The following NEDD4L variants were observed in gnomAD, a reference collection of about 807,000 sequenced individuals.
NEDD4L encodes E3 ubiquitin-protein ligase NEDD4-like.
NEDD4L carries 54 observed loss-of-function variants against 148.9 expected under a neutral mutation model. The observed-to-expected ratio is 0.36, with a 90% CI of 0.29 to 0.45. The LOEUF is 0.45. NEDD4L is among the 20% of genes least tolerant of loss of function. The pLI is 1.00. For synonymous variants in NEDD4L, 433 were observed against 440.7 expected (o/e 0.98, Z 0.22); for missense variants, 856 against 1,233.8 (o/e 0.69, Z 4.59).
At chr18:58,199,532 G>A (rs1311363518) in intron 2 of NEDD4L, among the ~76,000 whole-genome samples, 2 of 152,170 alleles carry the variant, frequency 1.3e-5, no homozygotes, top group Non-Finnish European at 2.9e-5. Flanking sequence ...TGTAATCCCG[G>A]CACTTTAGGA....
chr18:58,314,568 C>G (rs1478781333), intron 5 of NEDD4L: 1 of 152,266 alleles, frequency 6.6e-6, no homozygotes, highest in Non-Finnish European at 1.5e-5. Context: ...TTCTCAAGGC[C>G]TTCTGCTGAC....
At chr18:58,134,166 A>AT (rs2032530770) in intron 1 of NEDD4L, among the ~76,000 whole-genome samples, 1 of 151,658 alleles carries the variant, frequency 6.6e-6, no homozygotes, top group South Asian at 2.1e-4. Context: ...ATGCCCAGCT[A>AT]TTTTTTGTAT....
intron 2 of NEDD4L, among the ~76,000 whole-genome samples, chr18:58,183,832 C>T (rs558219636): frequency 2.6e-5 from 4 of 152,372 alleles, no homozygotes; most frequent in African/African-American, 7.2e-5. Flanking sequence ...CTTCTACCCT[C>T]TTTCCTATTT....
At chr18:58,206,845 A>G (rs1403086343) in intron 2 of NEDD4L, among the ~76,000 whole-genome samples, 1 of 152,246 alleles carries the variant, frequency 6.6e-6, no homozygotes, top group African/African-American at 2.4e-5. Context: ...ACATACAGGT[A>G]GGAATCAATT....
chr18:58,303,173 A>T (rs2056699300), intron 5 of NEDD4L, among the ~76,000 whole-genome samples: 1 of 152,198 alleles, frequency 6.6e-6, no homozygotes. Context: ...GTACACAGTG[A>T]TTCTTGGAAA....
intron 2 of NEDD4L, among the ~76,000 whole-genome samples, chr18:58,190,938 C>T (rs542652688): frequency 4.6e-5 from 7 of 152,204 alleles, no homozygotes; most frequent in Admixed American, 3.3e-4. Flanking sequence ...TAGTGAGACC[C>T]CATACCTACA....
intron 1 of NEDD4L, among the ~76,000 whole-genome samples, chr18:58,073,243 G>C (rs2082983150): frequency 2.0e-5 from 3 of 151,552 alleles, no homozygotes; most frequent in Non-Finnish European, 4.4e-5. Context: ...AAATTAACAA[G>C]TTTATTTTAA....
At chr18:58,244,688 T>C (rs1600170193) in intron 2 of NEDD4L, among the ~76,000 whole-genome samples, 1 of 152,168 alleles carries the variant, frequency 6.6e-6, no homozygotes, top group African/African-American at 2.4e-5. Context: ...TTTTTGTTTT[T>C]GTCTTTTTTT....
At chr18:58,262,025 C>T (rs952650428) in intron 5 of NEDD4L, among the ~76,000 whole-genome samples, 2 of 152,054 alleles carry the variant, frequency 1.3e-5, no homozygotes, top group Non-Finnish European at 2.9e-5. Context: ...GGTGATTATT[C>T]GGACAGGTTA....
At chr18:58,230,042 A>G (rs536530851) in intron 2 of NEDD4L, among the ~76,000 whole-genome samples, 1 of 152,314 alleles carries the variant, frequency 6.6e-6, no homozygotes, top group South Asian at 2.1e-4. Flanking sequence ...TTGGAAAAAT[A>G]TCAACAGCAG....
chr18:58,255,737 A>C, intron 5 of NEDD4L: 4 of 1,232,354 alleles, frequency 3.2e-6, no homozygotes, highest in Non-Finnish European at 4.0e-6. Context: ...CGACTTCTTC[A>C]TGGCATTCCA....
At chr18:58,199,240 A>G (rs1422291121) in intron 2 of NEDD4L, among the ~76,000 whole-genome samples, 2 of 152,232 alleles carry the variant, frequency 1.3e-5, no homozygotes. Context: ...AAATTTTGAT[A>G]TATTTATCCA....
At chr18:58,341,639 TCCTCC>T in intron 14 of NEDD4L, 34 bp from the exon 15 acceptor site, 1 of 1,592,342 alleles carries the variant, frequency 6.3e-7, no homozygotes, top group Non-Finnish European at 8.6e-7. Context: ...CACCGGGAGA[TCCTCC>T]TATGAAGCTA....
chr18:58,195,260 T>C (rs1008498259), intron 2 of NEDD4L: 13 of 450,348 alleles, frequency 2.9e-5, no homozygotes, highest in Non-Finnish European at 4.4e-5. Context: ...TTGGCTGTTA[T>C]CATAACTTCC....
At chr18:58,261,603 C>T (rs969216783) in intron 5 of NEDD4L, among the ~76,000 whole-genome samples, 5 of 152,136 alleles carry the variant, frequency 3.3e-5, no homozygotes, top group Non-Finnish European at 5.9e-5. Flanking sequence ...AAGAAACTTG[C>T]TATCTTTTCA....
chr18:58,067,318 A>G (rs1365081876), intron 1 of NEDD4L, among the ~76,000 whole-genome samples: 1 of 152,244 alleles, frequency 6.6e-6, no homozygotes, highest in African/African-American at 2.4e-5. Flanking sequence ...ACATACATAT[A>G]TCTAGTACCA....
intron 1 of NEDD4L, chr18:58,045,031 C>G: frequency 2.4e-6 from 1 of 408,730 alleles, no homozygotes; most frequent in Non-Finnish European, 4.3e-6. Flanking sequence ...AGCAGCGTCT[C>G]CCGGGGCTGT....
At chr18:58,394,963 A>G (rs1480112418) in intron 30 of NEDD4L, among the ~76,000 whole-genome samples, 5 of 152,228 alleles carry the variant, frequency 3.3e-5, no homozygotes, top group African/African-American at 9.6e-5. Context: ...GTGCACTTCA[A>G]GAGCTGGGCT....
At chr18:58,376,966 A>G (rs1360778233) in intron 24 of NEDD4L, among the ~76,000 whole-genome samples, 1 of 152,156 alleles carries the variant, frequency 6.6e-6, no homozygotes, top group Non-Finnish European at 1.5e-5. Context: ...TTCATCAGGG[A>G]AGCCAGCCCT....
Sources: gnomAD v4.1 joint callset for allele counts (sites outside exome capture counted in the v4.1 genomes callset) on GRCh38, gnomAD v4.1.1 for gene constraint, MANE v1.5 for transcripts, NCBI Gene and HGNC (gene_info 2026-07-23, HGNC 2026-07-21) for gene names.